Variants in ARFGEF3 observed in about 807,000 individuals in gnomAD.
ARFGEF3 encodes ARFGEF family member 3.
In ARFGEF3, 96 loss-of-function variants were observed where a neutral mutation model predicts 221.7. That is an observed-to-expected ratio of 0.43 (90% CI 0.37 to 0.51). The LOEUF is 0.51. Ranked by LOEUF, ARFGEF3 falls within the 20% of genes least tolerant of loss-of-function variation. ARFGEF3 has a pLI of 0.00. For synonymous variants in ARFGEF3, 1,145 were observed against 1,126.8 expected (o/e 1.02, Z -0.32); for missense variants, 2,410 against 2,789.9 (o/e 0.86, Z 3.07).
At chr6:138,293,591 C>T (rs1779452745) in intron 19 of ARFGEF3, among the ~76,000 whole-genome samples, 1 of 152,148 alleles carries the variant, frequency 6.6e-6, no homozygotes. Flanking sequence ...AAATTATAGA[C>T]AAACAAAACC....
intron 33 of ARFGEF3, 89 bp downstream of exon 33, chr6:138,335,277 T>C: frequency 2.3e-6 from 3 of 1,318,346 alleles, no homozygotes; most frequent in Non-Finnish European, 3.0e-6. Context: ...ATACACAGGC[T>C]AAGATTTATA....
rs761089784 is a variant in ARFGEF3, at chr6:138,336,452, G to T, written c.6500G>T (p.Gly2167Val). 2.4e-5 allele frequency: 38 copies of T among 1,612,114 alleles called. 1 individual carries two copies. The highest frequency in any genetic ancestry group is 3.2e-5 in the Non-Finnish European group (38 of 1,179,202). The change falls in exon 34 of 34, where the codon GGC (glycine) becomes GTC (valine). Residue 2167 changes from glycine to valine, a missense_variant. Physicochemically the swap from Gly to Val is moderately radical, Grantham distance 109. Around this residue, in one of 5 missense-constraint regions of ARFGEF3, gnomAD observed 339 missense variants for 334.9 expected, o/e 1.01. Coordinates refer to ENST00000251691, the MANE Select transcript of ARFGEF3 (RefSeq NM_020340.5). ...RVRQAVREWL[G>V]RVGRVYDIIV ...CGCCAGGCTGTGAGGGAGTGGCTGGGCAGGGTGGGCCGTGTCTATGACATC... is the reference window on the plus strand; with the variant it reads ...CGCCAGGCTGTGAGGGAGTGGCTGGTCAGGGTGGGCCGTGTCTATGACATC...
intron 6 of ARFGEF3, among the ~76,000 whole-genome samples, chr6:138,241,947 G>T (rs953653462): frequency 2.6e-5 from 4 of 152,152 alleles, no homozygotes; most frequent in Non-Finnish European, 4.4e-5. Context: ...AATATTTGGG[G>T]CTGAAAGGTT....
rs1214911079 is a variant in ARFGEF3, at chr6:138,291,276, G to A, written c.3048-457G>A. 6.6e-6 allele frequency among the ~76,000 whole-genome samples: 1 copy of A among 152,154 alleles called. No homozygotes were observed. Among genetic ancestry groups the A allele is most frequent in the African/African-American group, 2.4e-5 (1 of 41,424 alleles). On this transcript the variant is annotated intron_variant, in intron 18 of 33. Transcript: ENST00000251691. This position sits in a 1 kb window ranked among gnomAD's most constrained non-coding sequence, Gnocchi z 4.5. ...GACGTGGCTGGGCAGAACCCACTGT[G>A]GCTAGTTGGCCTCTCCGTCATAGGT...
intron 1 of ARFGEF3, among the ~76,000 whole-genome samples, chr6:138,167,234 C>A (rs1776740729): frequency 6.6e-6 from 1 of 152,202 alleles, no homozygotes; most frequent in Admixed American, 6.5e-5. Context: ...ATTTGAGTTT[C>A]TCAAGGGTTA....
At chr6:138,300,799 G>A (rs995418393) in intron 22 of ARFGEF3, among the ~76,000 whole-genome samples, 2 of 152,142 alleles carry the variant, frequency 1.3e-5, no homozygotes, top group African/African-American at 2.4e-5. Flanking sequence ...AGAAAGAAAG[G>A]TGAACCTTAA....
chr6:138,274,908 G>A (rs984845103), intron 12 of ARFGEF3, among the ~76,000 whole-genome samples: 1 of 150,976 alleles, frequency 6.6e-6, no homozygotes, highest in Non-Finnish European at 1.5e-5. Flanking sequence ...GGGAATTCTA[G>A]ACCAACCTGA....
At chr6:138,193,535 A>G (rs1334141048) in intron 2 of ARFGEF3, among the ~76,000 whole-genome samples, 1 of 152,208 alleles carries the variant, frequency 6.6e-6, no homozygotes, top group Admixed American at 6.5e-5. Context: ...CTAAATAAAT[A>G]TTTATTAAAG....
chr6:138,267,450 A>G (rs557301806), intron 12 of ARFGEF3, among the ~76,000 whole-genome samples: 2 of 152,328 alleles, frequency 1.3e-5, no homozygotes, highest in South Asian at 4.1e-4. Flanking sequence ...AATTATCCAT[A>G]CAAAATAACT....
At chr6:138,323,871 G>T in intron 30 of ARFGEF3, 98 bp downstream of exon 30, 1 of 1,539,936 alleles carries the variant, frequency 6.5e-7, no homozygotes, top group Non-Finnish European at 8.9e-7. Flanking sequence ...CCTCCTCTGA[G>T]CAGGCAGTCT....
At chr6:138,228,661 G>C (rs1778136545) in intron 4 of ARFGEF3, among the ~76,000 whole-genome samples, 1 of 152,202 alleles carries the variant, frequency 6.6e-6, no homozygotes, top group African/African-American at 2.4e-5. Flanking sequence ...AGGAGCGACT[G>C]TTCCTAGGGC....
chr6:138,209,250 C>T (rs540843673), intron 3 of ARFGEF3, among the ~76,000 whole-genome samples: 26 of 152,166 alleles, frequency 1.7e-4, no homozygotes, highest in South Asian at 6.2e-4. Flanking sequence ...TTTCCTGTGA[C>T]GAAGCCACAT....
intron 14 of ARFGEF3, among the ~76,000 whole-genome samples, chr6:138,284,648 G>T (rs936199496): frequency 6.6e-6 from 1 of 152,256 alleles, no homozygotes; most frequent in African/African-American, 2.4e-5. Context: ...TGAGGATCCA[G>T]TATAGAGCTG....
At position 138,303,860 on chromosome 6, in the gene ARFGEF3, C is replaced by CAAAAAAAA. The variant is rs140349507; in HGVS notation, c.3829-3372_3829-3365dup. Among the ~76,000 whole-genome samples the CAAAAAAAA allele has an allele frequency of 5.8e-4, 12 of 20,614 alleles. 2 individuals are homozygous for CAAAAAAAA. In the East Asian group the frequency reaches 0.015, roughly 25 times the overall value. The allele number at this position is 20,614 out of a possible 152,430, so 13.5% of individuals were successfully genotyped here. A position where few individuals can be genotyped will look rare whatever the true frequency, so the allele number is the denominator to read the frequency against. On this transcript the variant is annotated intron_variant, in intron 22 of 33. Coordinates refer to ENST00000251691, the MANE Select transcript of ARFGEF3 (RefSeq NM_020340.5). ...CTGGAGACAGAGTGAGACTCCGTCT[C>CAAAAAAAA]AAAAAAAAAAAAAAAAAAAAAAAAA... is the stretch of plus-strand genomic sequence containing the variant.
chr6:138,315,103 TA>T (rs1424663311), intron 26 of ARFGEF3, among the ~76,000 whole-genome samples: 4 of 152,246 alleles, frequency 2.6e-5, no homozygotes, highest in African/African-American at 9.6e-5. Context: ...TGTCTTTTAG[TA>T]TCTTTTAGAA....
chr6:138,228,511 T>A (rs558804008), intron 4 of ARFGEF3, among the ~76,000 whole-genome samples: 14 of 152,176 alleles, frequency 9.2e-5, no homozygotes, highest in African/African-American at 3.1e-4. Flanking sequence ...TTATTTGGTG[T>A]TGATTCTTGG....
At chr6:138,273,123 A>G (rs992289893) in intron 12 of ARFGEF3, among the ~76,000 whole-genome samples, 1 of 152,240 alleles carries the variant, frequency 6.6e-6, no homozygotes, top group Admixed American at 6.5e-5. Context: ...TGACATATGT[A>G]GTGTGATCTC....
At chr6:138,275,570 C>T (rs1779081535) in intron 12 of ARFGEF3, among the ~76,000 whole-genome samples, 2 of 152,034 alleles carry the variant, frequency 1.3e-5, no homozygotes, top group Admixed American at 1.3e-4. Context: ...ATGGTGAAAC[C>T]CTGTCTTTAC....
At chr6:138,258,013 T>C (rs921790317) in intron 10 of ARFGEF3, among the ~76,000 whole-genome samples, 12 of 152,164 alleles carry the variant, frequency 7.9e-5, no homozygotes, top group African/African-American at 2.9e-4. Context: ...TCCTGCCTGT[T>C]TTATTCCTTT....
Sources: gnomAD v4.1 joint callset for allele counts (sites outside exome capture counted in the v4.1 genomes callset) on GRCh38, gnomAD v4.1.1 for gene constraint, gnomAD v4.1.1 regional missense constraint, Gnocchi (gnomAD v3.1) non-coding constraint, MANE v1.5 for transcripts, NCBI Gene and HGNC (gene_info 2026-07-23, HGNC 2026-07-21) for gene names.